The following APEX2 variants were observed in gnomAD, a reference collection of about 807,000 sequenced individuals.
The protein encoded by APEX2 is apurinic/apyrimidinic endodeoxyribonuclease 2, also known as DNA-(apurinic or apyrimidinic site) endonuclease 2.
A neutral mutation model predicts 16.7 loss-of-function variants in APEX2; 4 were observed. That is an observed-to-expected ratio of 0.24 (90% CI 0.12 to 0.55). The LOEUF is 0.55. Ranked by LOEUF, APEX2 falls within the 20% of genes least tolerant of loss-of-function variation. APEX2 has a pLI of 0.94. For missense variants in APEX2, 357 were observed against 433.6 expected (o/e 0.82, Z 1.57); for synonymous variants, 181 against 166.9 (o/e 1.08, Z -0.65).
At position 55,007,098 on chromosome X, in the gene APEX2, C is replaced by A. The variant is rs908757974; in HGVS notation, c.1220C>A (p.Ser407Tyr). Residue 407 changes from serine (S) to tyrosine (Y), a missense_variant, in exon 6 of 6, where the codon TCT becomes TAT. By Grantham distance (144) the Ser-to-Tyr change is moderately radical (BLOSUM62 -2). Coordinates refer to ENST00000374987, the MANE Select transcript of APEX2 (RefSeq NM_014481.4). Reference sequence around the variant, plus strand: ...CCCTCCCCTAGCTGTCCCCAAGCCTCTCCTGACATAGAGCTGCCTAGCCTA... The same window carrying A: ...CCCTCCCCTAGCTGTCCCCAAGCCTATCCTGACATAGAGCTGCCTAGCCTA... ...FQPSPSCPQA[S>Y]PDIELPSLPL... 8.3e-7 allele frequency: 1 copy of A among 1,211,971 alleles called. No homozygotes were observed. The highest frequency in any genetic ancestry group is 1.1e-6 in the Non-Finnish European group (1 of 895,542).
Position 55,000,585 on chromosome X carries a change from C to T in APEX2, c.157+6C>T, listed in dbSNP as rs1396236607. On this transcript the variant is annotated splice_donor_region_variant and intron_variant, in intron 1 of 5. Coordinates refer to ENST00000374987, the MANE Select transcript of APEX2 (RefSeq NM_014481.4). ...CCAGGAAACCAAAGTGACCAGTGAG[C>T]GCTCTGGATTCCAGGATCCCTACAT... 2.5e-6 allele frequency: 3 copies of T among 1,196,988 alleles called. No homozygotes were observed. The highest frequency in any genetic ancestry group is 3.5e-5 in the African/African-American group (2 of 56,567).
In APEX2 at chrX:55,000,419, T is replaced by C; in HGVS notation, c.-4T>C. On this transcript the variant is annotated 5_prime_UTR_variant, in exon 1 of 6. Transcript: ENST00000374987. ...CGGGCTGGGAGGTGTTCCAGCCCTT[T>C]AAGATGTTGCGCGTGGTGAGCTGGA... 8.5e-7 allele frequency: 1 copy of C among 1,182,464 alleles called. No individual in the cohort carries two copies. Among genetic ancestry groups the C allele is most frequent in the Non-Finnish European group, 1.1e-6 (1 of 879,964 alleles).
At chrX:55,004,407 A>T (rs1569547645) in intron 5 of APEX2, among the ~76,000 whole-genome samples, 2 of 112,505 alleles carry the variant, frequency 1.8e-5, no homozygotes, top group Non-Finnish European at 3.8e-5. Context: ...ACAGGAAGGG[A>T]GGTGAGTGGC....
rs1037316910 is a variant in APEX2, at chrX:55,008,473, A to G, written c.*1038A>G. On this transcript the variant is annotated 3_prime_UTR_variant, in exon 6 of 6. Transcript: ENST00000374987. Reference sequence around the variant, plus strand: ...GTAATCCAAGCTACTTAGGAGGCTGAGACAGGAGAATAGCTTGTACCTGGG... The same window carrying G: ...GTAATCCAAGCTACTTAGGAGGCTGGGACAGGAGAATAGCTTGTACCTGGG... The G allele has an allele frequency of 9.0e-6, 1 of 110,726 alleles. No individual in the cohort carries two copies. The highest frequency in any genetic ancestry group is 3.3e-5 in the African/African-American group (1 of 30,324). 9.1% of individuals were successfully genotyped at this position (110,726 alleles called of 1,213,427 possible). A position where few individuals can be genotyped will look rare whatever the true frequency, so the allele number is the denominator to read the frequency against.
At chrX:55,004,673 TTGTA>T (rs1935481804) in intron 5 of APEX2, among the ~76,000 whole-genome samples, 1 of 111,185 alleles carries the variant, frequency 9.0e-6, no homozygotes, top group Non-Finnish European at 1.9e-5. Flanking sequence ...TGTCGGCCCG[TTGTA>T]AAAGTTATTC....
intron 1 of APEX2, 139 bp downstream of exon 1, chrX:55,000,718 C>T: frequency 2.8e-6 from 2 of 702,261 alleles, no homozygotes; most frequent in Non-Finnish European, 2.0e-6. Context: ...CCCTCTTAAA[C>T]TTCCATTTCC....
intron 1 of APEX2, among the ~76,000 whole-genome samples, chrX:55,001,330 C>T (rs1040144935): frequency 1.4e-4 from 16 of 110,831 alleles, no homozygotes; most frequent in Admixed American, 6.8e-4. Flanking sequence ...AGTCTCTAAC[C>T]GCCCCCCACC....
At position 55,006,874 on chromosome X, in the gene APEX2, T is replaced by C. The variant is rs11541054; in HGVS notation, c.996T>C (p.Phe332=). Residue 332 remains phenylalanine (F), a synonymous_variant, in exon 6 of 6, where the codon TTT becomes TTC. Transcript: ENST00000374987. ...TGTGCACCCGCTTCCTCCCTGAGTTTGCAGGCACCCAGCTCAAGATCCTTC... is the reference window on the plus strand; with the variant it reads ...TGTGCACCCGCTTCCTCCCTGAGTTCGCAGGCACCCAGCTCAAGATCCTTC... ...PPLCTRFLPE[F]AGTQLKILRF... 12,427 of 1,210,071 alleles carry C rather than the reference T, an allele frequency of 0.01. 635 individuals are homozygous for C. The African/African-American group carries it at 0.17, about 16-fold the overall frequency.
In APEX2 at chrX:55,007,260, C is replaced by T; in HGVS notation, c.1382C>T (p.Ala461Val). The change falls in exon 6 of 6, where the codon GCG (alanine) becomes GTG (valine). Residue 461 changes from alanine (A) to valine (V), a missense_variant. Coordinates refer to ENST00000374987, the MANE Select transcript of APEX2 (RefSeq NM_014481.4). Reference protein sequence around the residue: ...LRTSFWKSVLAGPLRTPLCGG... With the variant: ...LRTSFWKSVLVGPLRTPLCGG... ...ACCTCATTCTGGAAGTCTGTGCTGG[C>T]GGGGCCCTTGCGCACACCCCTCTGT... The T allele has an allele frequency of 5.0e-6, 6 of 1,212,089 alleles. No homozygotes were observed. Among genetic ancestry groups the T allele is most frequent in the South Asian group, 1.8e-5 (1 of 56,990 alleles).
intron 3 of APEX2, 62 bp downstream of exon 3, chrX:55,002,493 T>C: frequency 9.1e-7 from 1 of 1,104,203 alleles, no homozygotes. Flanking sequence ...GTGTGAAGAT[T>C]CTAAGGCTTG....
In APEX2 at chrX:55,008,471, T is replaced by G. The variant is rs1305965054; in HGVS notation, c.*1036T>G. On this transcript the variant is annotated 3_prime_UTR_variant, in exon 6 of 6. Transcript: ENST00000374987. ...CTGTAATCCAAGCTACTTAGGAGGC[T>G]GAGACAGGAGAATAGCTTGTACCTG... The G allele has an allele frequency of 9.1e-6, 1 of 110,021 alleles. No homozygotes were observed. Among genetic ancestry groups the G allele is most frequent in the Non-Finnish European group, 1.9e-5 (1 of 52,800 alleles). 9.1% of individuals were successfully genotyped at this position (110,021 alleles called of 1,213,427 possible).
chrX:55,002,170 G>A, intron 2 of APEX2, 81 bp from the exon 3 acceptor site: 1 of 967,205 alleles, frequency 1.0e-6, no homozygotes, highest in African/African-American at 1.9e-5. Context: ...GATGACTTGT[G>A]TGGGGACAAT....
Position 55,008,639 on chromosome X carries a change from G to A in APEX2, c.*1204G>A, listed in dbSNP as rs1935542033. ...CTGTTCTGTGGGATGCCGTGGGAGG[G>A]AGAGAGGATAATGGATTGAGGAAGA... On this transcript the variant is annotated 3_prime_UTR_variant, in exon 6 of 6. Transcript: ENST00000374987. 8.9e-6 allele frequency: 1 copy of A among 112,226 alleles called. No homozygotes were observed. The highest frequency in any genetic ancestry group is 3.3e-5 in the African/African-American group (1 of 30,619). 9.2% of individuals were successfully genotyped at this position (112,226 alleles called of 1,213,427 possible).
Position 55,006,764 on chromosome X carries a change from C to G in APEX2, c.886C>G (p.Leu296Val). Residue 296 changes from leucine (L) to valine (V), a missense_variant, in exon 6 of 6, where the codon CTG (leucine) becomes GTG (valine). By Grantham distance (32) the Leu-to-Val change is conservative. Transcript: ENST00000374987. ...AGACACCTTTCAGGCCTCTTTCCTG[C>G]TGCCTGAGGTGATGGGCTCTGACCA... ...VIDTFQASFL[L>V]PEVMGSDHCP... 8.3e-7 allele frequency: 1 copy of G among 1,208,365 alleles called. No homozygotes were observed. Among genetic ancestry groups the G allele is most frequent in the African/African-American group, 1.7e-5 (1 of 57,745 alleles).
chrX:55,003,286 T>G (rs1935467600), intron 4 of APEX2, among the ~76,000 whole-genome samples, 178 bp downstream of exon 4: 2 of 112,916 alleles, frequency 1.8e-5, no homozygotes, highest in South Asian at 7.2e-4. Flanking sequence ...GGTTTTGTAC[T>G]CTGAGCACCT....
intron 1 of APEX2, among the ~76,000 whole-genome samples, chrX:55,001,132 A>G (rs1315700890): frequency 9.4e-6 from 1 of 105,918 alleles, no homozygotes; most frequent in African/African-American, 3.5e-5. Context: ...AGAATCCCCT[A>G]ATTCCTTTTC....
intron 4 of APEX2, among the ~76,000 whole-genome samples, 192 bp downstream of exon 4, chrX:55,003,300 C>T (rs1026042832): frequency 3.5e-5 from 4 of 112,972 alleles, no homozygotes; most frequent in Non-Finnish European, 7.5e-5. Flanking sequence ...AGCACCTATT[C>T]AGGCTCCTGC....
At position 55,007,286 on chromosome X, in the gene APEX2, G is replaced by A. The variant is rs139641675; in HGVS notation, c.1408G>A (p.Gly470Arg). 89 of 1,210,506 alleles carry A rather than the reference G, an allele frequency of 7.4e-5. No homozygotes were observed. Among genetic ancestry groups the A allele is most frequent in the Non-Finnish European group, 9.4e-5 (84 of 895,245 alleles). Residue 470 changes from glycine (G) to arginine (R), a missense_variant, in exon 6 of 6, where the codon GGG becomes AGG. Transcript: ENST00000374987. ...GGGGCCCTTGCGCACACCCCTCTGTGGGGGCCACAGGGAGCCATGTGTGAT... is the reference window on the plus strand; with the variant it reads ...GGGGCCCTTGCGCACACCCCTCTGTAGGGGCCACAGGGAGCCATGTGTGAT... ...LAGPLRTPLC[G>R]GHREPCVMRT... is the part of the protein sequence containing the mutation.
chrX:55,003,934 T>C, intron 5 of APEX2, 66 bp downstream of exon 5: 3 of 1,080,820 alleles, frequency 2.8e-6, no homozygotes, highest in Non-Finnish European at 3.8e-6. Context: ...CAACCAACCC[T>C]GAGTTTTTGG....
Sources: gnomAD v4.1 joint callset for allele counts (sites outside exome capture counted in the v4.1 genomes callset) on GRCh38, gnomAD v4.1.1 for gene constraint, MANE v1.5 for transcripts, NCBI Gene and HGNC (gene_info 2026-07-23, HGNC 2026-07-21) for gene names.